Variants in CELF4 observed in about 807,000 individuals in gnomAD.
The protein encoded by CELF4 is CUGBP Elav-like family member 4.
CELF4 carries 18 observed loss-of-function variants against 59.9 expected under a neutral mutation model. The ratio of observed to expected loss-of-function variants is 0.30; its 90% CI spans 0.21 to 0.45. The LOEUF (loss-of-function observed/expected upper bound fraction) is 0.45. Among genes scored for constraint, CELF4 ranks in the 20% least tolerant of loss-of-function variants. The probability of loss-of-function intolerance (pLI) is 1.00; values close to 1 mark genes in which losing one functional copy is unlikely to be tolerated. For synonymous variants in CELF4, 261 were observed against 267.1 expected (o/e 0.98, Z 0.22); for missense variants, 456 against 689.0 (o/e 0.66, Z 3.79).
At chr18:37,493,769 A>C (rs1200995119) in intron 1 of CELF4, among the ~76,000 whole-genome samples, 2 of 152,080 alleles carry the variant, frequency 1.3e-5, no homozygotes, top group East Asian at 1.9e-4. Context: ...CAAGTGCTGG[A>C]ATCTCCCCCT....
intron 1 of CELF4, chr18:37,485,911 C>T (rs914675959): frequency 1.2e-5 from 3 of 242,506 alleles, no homozygotes; most frequent in African/African-American, 2.3e-5. Context: ...ACCCTGGTGC[C>T]TCAGACCTCT....
chr18:37,327,324 A>G (rs981322961), intron 2 of CELF4, among the ~76,000 whole-genome samples: 1 of 152,140 alleles, frequency 6.6e-6, no homozygotes, highest in Non-Finnish European at 1.5e-5. Context: ...TCACCCCACC[A>G]GTTCCTACTA....
chr18:37,476,170 A>T (rs551104094), intron 2 of CELF4, among the ~76,000 whole-genome samples: 1 of 152,336 alleles, frequency 6.6e-6, no homozygotes, highest in South Asian at 2.1e-4. Flanking sequence ...GATTTTCATG[A>T]TAGAAATTAG....
chr18:37,516,645 G>A (rs1443872071), intron 1 of CELF4, among the ~76,000 whole-genome samples: 1 of 152,220 alleles, frequency 6.6e-6, no homozygotes, highest in African/African-American at 2.4e-5. Flanking sequence ...CTGAGATGTG[G>A]AGACCATGAA....
chr18:37,555,781 ATAC>A (rs1568262206), intron 1 of CELF4, among the ~76,000 whole-genome samples: 1 of 152,182 alleles, frequency 6.6e-6, no homozygotes, highest in Non-Finnish European at 1.5e-5. Context: ...TCTTAGGTAT[ATAC>A]TTTTCACTCA....
intron 2 of CELF4, among the ~76,000 whole-genome samples, chr18:37,341,413 T>G (rs1385123417): frequency 6.6e-6 from 1 of 152,176 alleles, no homozygotes; most frequent in East Asian, 1.9e-4. Context: ...TGCAGCGTGT[T>G]CAGACACAGG....
intron 2 of CELF4, among the ~76,000 whole-genome samples, chr18:37,393,258 G>T (rs536387275): frequency 6.6e-6 from 1 of 152,336 alleles, no homozygotes; most frequent in South Asian, 2.1e-4. Context: ...CAGTGGGGAA[G>T]ACCCACCCCA....
intron 1 of CELF4, 101 bp downstream of exon 1, chr18:37,565,245 GCCCGAGGCTT>G (rs2099987875): frequency 4.7e-6 from 6 of 1,279,646 alleles, no homozygotes; most frequent in African/African-American, 1.5e-5. Context: ...CACCGCGCCC[GCCCGAGGCTT>G]CCTCTCGCTT....
intron 2 of CELF4, among the ~76,000 whole-genome samples, chr18:37,440,282 C>T (rs1467217517): frequency 9.2e-5 from 14 of 152,088 alleles, no homozygotes; most frequent in Admixed American, 9.2e-4. Flanking sequence ...GGAGGGGAGG[C>T]TGGGCTGCGC....
intron 1 of CELF4, among the ~76,000 whole-genome samples, chr18:37,492,155 TG>T (rs1484144203): frequency 7.2e-5 from 11 of 152,158 alleles, no homozygotes; most frequent in African/African-American, 2.7e-4. Flanking sequence ...CTTTAGGCCT[TG>T]GACTTGGCCG....
chr18:37,354,498 T>C (rs1263619703), intron 2 of CELF4, among the ~76,000 whole-genome samples: 1 of 152,210 alleles, frequency 6.6e-6, no homozygotes, highest in African/African-American at 2.4e-5. Flanking sequence ...CACAGACCCA[T>C]GCTCGGCTGC....
chr18:37,507,473 T>C (rs1366536115), intron 1 of CELF4, among the ~76,000 whole-genome samples: 3 of 152,248 alleles, frequency 2.0e-5, no homozygotes, highest in African/African-American at 2.4e-5. Flanking sequence ...AGCACAGTGA[T>C]TGTCCTAAGG....
intron 2 of CELF4, among the ~76,000 whole-genome samples, chr18:37,415,552 A>G (rs1013408497): frequency 6.6e-6 from 1 of 152,206 alleles, no homozygotes; most frequent in Non-Finnish European, 1.5e-5. Context: ...ATGATGGGAG[A>G]AAGTGCCCAT....
At chr18:37,331,383 T>C (rs377530811) in intron 2 of CELF4, among the ~76,000 whole-genome samples, 7 of 152,166 alleles carry the variant, frequency 4.6e-5, no homozygotes, top group South Asian at 2.1e-4. Context: ...CTCACCGCCT[T>C]TCCAGTCATC....
intron 2 of CELF4, among the ~76,000 whole-genome samples, chr18:37,380,765 A>G (rs956610156): frequency 7.4e-6 from 1 of 135,936 alleles, no homozygotes; most frequent in Non-Finnish European, 1.6e-5. Context: ...TCCATTCAAC[A>G]TCTCTCCTTC....
At chr18:37,536,114 C>G (rs537672160) in intron 1 of CELF4, among the ~76,000 whole-genome samples, 1 of 152,004 alleles carries the variant, frequency 6.6e-6, no homozygotes, top group Non-Finnish European at 1.5e-5. Context: ...TTTCCCCTGA[C>G]GCCTGGACAT....
intron 2 of CELF4, among the ~76,000 whole-genome samples, chr18:37,369,759 C>T (rs1200137286): frequency 6.6e-6 from 1 of 152,254 alleles, no homozygotes; most frequent in Non-Finnish European, 1.5e-5. Flanking sequence ...ACTGCTGTCT[C>T]TAACACCATT....
chr18:37,450,734 C>G (rs941325491), intron 2 of CELF4, among the ~76,000 whole-genome samples: 5 of 152,152 alleles, frequency 3.3e-5, no homozygotes, highest in African/African-American at 1.2e-4. Context: ...GCCTTCCCCT[C>G]CCCCATGGTG....
chr18:37,559,624 A>G (rs1322020181), intron 1 of CELF4, among the ~76,000 whole-genome samples: 3 of 152,016 alleles, frequency 2.0e-5, no homozygotes, highest in Admixed American at 1.3e-4. Flanking sequence ...TTCTGGGTCA[A>G]TTTGGAAACT....
Sources: gnomAD v4.1 joint callset for allele counts (sites outside exome capture counted in the v4.1 genomes callset) on GRCh38, gnomAD v4.1.1 for gene constraint, MANE v1.5 for transcripts, NCBI Gene and HGNC (gene_info 2026-07-23, HGNC 2026-07-21) for gene names.